The following STRIP2 variants were observed in gnomAD, a reference collection of about 807,000 sequenced individuals.
STRIP2 encodes the protein striatin-interacting protein 2.
In STRIP2, 84 loss-of-function variants were observed where a neutral mutation model predicts 107.1. The observed-to-expected ratio is 0.78, with a 90% CI of 0.66 to 0.94. STRIP2 has a LOEUF of 0.94. Ranked by LOEUF, STRIP2 falls within the 40% of genes least tolerant of loss-of-function variation. STRIP2 has a pLI of 0.00. For missense variants in STRIP2, 888 were observed against 1,034.2 expected, an observed-to-expected ratio of 0.86 and a Z score of 1.94; for synonymous variants, 394 against 400.4, an observed-to-expected ratio of 0.98 and a Z score of 0.19.
Position 129,487,700 on chromosome 7 carries a change from A to G in STRIP2, c.*1871A>G, listed in dbSNP as rs867319147. 2 of 152,330 alleles carry G rather than the reference A, an allele frequency of 1.3e-5. No individual in the cohort carries two copies. The highest frequency in any genetic ancestry group is 3.4e-3 in the Middle Eastern group (1 of 294). The allele number at this position is 152,330 out of a possible 1,614,324, so 9.4% of individuals were successfully genotyped here. ...TAATTTACTGAGCACAACTCCTGTA[A>G]ATTAATCTACAGTCAGGCTAGTATG... On this transcript the variant is annotated 3_prime_UTR_variant, in exon 21 of 21. Coordinates refer to ENST00000249344, the MANE Select transcript of STRIP2 (RefSeq NM_020704.3).
At chr7:129,454,041 C>A in intron 5 of STRIP2, 101 bp from the exon 6 acceptor site, 1 of 1,089,218 alleles carries the variant, frequency 9.2e-7, no homozygotes, top group Non-Finnish European at 1.4e-6. Flanking sequence ...GGCTGCCTAG[C>A]CAGGGAATGG....
At chr7:129,437,435 TAAAAAAA>T (rs111422796) in intron 1 of STRIP2, among the ~76,000 whole-genome samples, 3 of 144,478 alleles carry the variant, frequency 2.1e-5, no homozygotes, top group African/African-American at 7.6e-5. Flanking sequence ...GACCCTGTCT[TAAAAAAA>T]AAAAGAAAAG....
intron 3 of STRIP2, among the ~76,000 whole-genome samples, chr7:129,451,010 CACTG>C (rs1798174780): frequency 8.3e-6 from 1 of 120,824 alleles, no homozygotes; most frequent in African/African-American, 3.2e-5. Flanking sequence ...GATCTCGGCT[CACTG>C]CAAGCTCCGC....
intron 19 of STRIP2, among the ~76,000 whole-genome samples, chr7:129,482,490 G>T (rs980956896): frequency 2.3e-4 from 34 of 149,456 alleles, no homozygotes; most frequent in African/African-American, 7.6e-4. Context: ...CAATTCATGT[G>T]CCTCAGCCTC....
intron 2 of STRIP2, among the ~76,000 whole-genome samples, chr7:129,442,650 G>T (rs1319493879): frequency 6.6e-6 from 1 of 152,114 alleles, no homozygotes; most frequent in Non-Finnish European, 1.5e-5. Flanking sequence ...TTGGTTTTTG[G>T]TGCTTTAATC....
chr7:129,460,280 A>G, intron 12 of STRIP2, 21 bp from the exon 13 acceptor site: 1 of 1,609,700 alleles, frequency 6.2e-7, no homozygotes, highest in Non-Finnish European at 8.5e-7. Context: ...GCCCTTGTTG[A>G]TGTCTTCTTA....
rs573606849 is a variant in STRIP2, at chr7:129,441,889, T to C, written c.199+1798T>C. Among the ~76,000 whole-genome samples the C allele has an allele frequency of 2.0e-5, 3 of 152,354 alleles. No homozygotes were observed. In the East Asian group the frequency reaches 5.8e-4, roughly 29 times the overall value. ...CCTTGGCCCTCCAAAGTGCTGGGAC[T>C]ACAGGTGTGAGCCACCACACCTGGC... is the stretch of plus-strand genomic sequence containing the variant. On this transcript the variant is annotated intron_variant, in intron 2 of 20. Transcript: ENST00000249344.
intron 16 of STRIP2, 100 bp from the exon 17 acceptor site, chr7:129,467,250 C>T: frequency 1.2e-6 from 1 of 846,568 alleles, no homozygotes; most frequent in East Asian, 2.7e-5. Flanking sequence ...TAGATATTCT[C>T]AGGAATGGAT....
chr7:129,440,149 G>T (rs1797858930), intron 2 of STRIP2, 58 bp downstream of exon 2: 4 of 1,364,270 alleles, frequency 2.9e-6, no homozygotes, highest in Admixed American at 1.7e-5. Flanking sequence ...GAGGGAAGGG[G>T]CCTGTGATCT....
rs374730769 is a variant in STRIP2 at position 129,455,418 on chromosome 7, A to G, written c.834+47A>G. On this transcript the variant is annotated intron_variant, in intron 8 of 20. Coordinates refer to ENST00000249344, the MANE Select transcript of STRIP2 (RefSeq NM_020704.3). ...CACATTATCAGATCAGCAATGCCCTATGCCACCTCAGTTTCTTCTAGTCTC... is the reference window on the plus strand; with the variant it reads ...CACATTATCAGATCAGCAATGCCCTGTGCCACCTCAGTTTCTTCTAGTCTC... 3.3e-4 allele frequency: 519 copies of G among 1,580,954 alleles called. 6 individuals are homozygous for G. In the South Asian group the frequency reaches 4.8e-3, roughly 15 times the overall value.
At chr7:129,457,327 A>G (rs1297336974) in intron 9 of STRIP2, among the ~76,000 whole-genome samples, 2 of 152,210 alleles carry the variant, frequency 1.3e-5, no homozygotes, top group East Asian at 1.9e-4. Flanking sequence ...ACCATATGCA[A>G]TTGTAACCCA....
chr7:129,442,622 C>G (rs1052833759), intron 2 of STRIP2, among the ~76,000 whole-genome samples: 2 of 152,140 alleles, frequency 1.3e-5, no homozygotes, highest in African/African-American at 4.8e-5. Context: ...ACCTAAGAGC[C>G]TTGCCCACTT....
At chr7:129,457,720 A>T (rs1798404502) in intron 9 of STRIP2, among the ~76,000 whole-genome samples, 1 of 152,268 alleles carries the variant, frequency 6.6e-6, no homozygotes, top group Non-Finnish European at 1.5e-5. Context: ...CAATCTTAAC[A>T]ACCAGAGACA....
At chr7:129,450,997 C>T (rs1191918980) in intron 3 of STRIP2, among the ~76,000 whole-genome samples, 1 of 110,892 alleles carries the variant, frequency 9.0e-6, no homozygotes, top group Non-Finnish European at 1.7e-5. Flanking sequence ...AGTGCAGTGG[C>T]GGGATCTCGG....
intron 18 of STRIP2, among the ~76,000 whole-genome samples, chr7:129,476,550 G>C (rs11982324): frequency 0.24 from 36,392 of 150,458 alleles, 4,556 homozygotes; most frequent in East Asian, 0.34. Context: ...GGTCGCGGCC[G>C]GGCAGAGGCA....
intron 3 of STRIP2, among the ~76,000 whole-genome samples, chr7:129,447,500 A>C (rs1798068278): frequency 6.6e-6 from 1 of 152,252 alleles, no homozygotes; most frequent in Admixed American, 6.5e-5. Flanking sequence ...CTTCTTGCTC[A>C]CTGGATCCAA....
intron 1 of STRIP2, among the ~76,000 whole-genome samples, chr7:129,439,136 G>A (rs1434695229): frequency 1.3e-5 from 2 of 152,148 alleles, no homozygotes; most frequent in African/African-American, 4.8e-5. Context: ...CATGTGCTCC[G>A]TCTTTCCTAA....
At chr7:129,469,819 T>C (rs1227151396) in intron 17 of STRIP2, among the ~76,000 whole-genome samples, 3 of 152,272 alleles carry the variant, frequency 2.0e-5, no homozygotes, top group Non-Finnish European at 4.4e-5. Flanking sequence ...TCAAAGCCAC[T>C]GCTTTGCCAA....
chr7:129,444,717 AATAAGGGCATAGTTAT>A (rs1797989121), intron 3 of STRIP2, among the ~76,000 whole-genome samples: 1 of 152,166 alleles, frequency 6.6e-6, no homozygotes, highest in Non-Finnish European at 1.5e-5. Context: ...TAAAGACAAT[AATAAGGGCATAGTTAT>A]GCCTAACATA....
Sources: allele counts gnomAD v4.1 joint callset (sites outside exome capture counted in the v4.1 genomes callset), GRCh38; gene constraint gnomAD v4.1.1; transcripts MANE v1.5; gene names NCBI Gene and HGNC (gene_info 2026-07-23, HGNC 2026-07-21).